Variants in SNRPD1 observed in about 807,000 individuals in gnomAD.
The protein encoded by SNRPD1 is small nuclear ribonucleoprotein Sm D1.
A neutral mutation model predicts 14.4 loss-of-function variants in SNRPD1; 1 was observed. The observed-to-expected ratio is 0.07, with a 90% CI of 0.02 to 0.33. SNRPD1 has a LOEUF of 0.33. SNRPD1 is among the 10% of genes least tolerant of loss of function. SNRPD1 has a pLI of 1.00. For missense variants in SNRPD1, 52 were observed against 146.4 expected, an observed-to-expected ratio of 0.36 and a Z score of 3.33; for synonymous variants, 42 against 50.3, an observed-to-expected ratio of 0.83 and a Z score of 0.70.
intron 1 of SNRPD1, among the ~76,000 whole-genome samples, chr18:21,618,668 C>G (rs950137736): frequency 6.6e-6 from 1 of 151,874 alleles, no homozygotes; most frequent in African/African-American, 2.4e-5. Context: ...AAAGTGTTAC[C>G]AATTCGTTGA....
intron 1 of SNRPD1, among the ~76,000 whole-genome samples, chr18:21,619,766 C>T (rs1468135556): frequency 2.6e-5 from 4 of 151,326 alleles, no homozygotes; most frequent in Admixed American, 6.6e-5. Context: ...GGTGACAGAG[C>T]GAGACTCCGT....
In SNRPD1 at chr18:21,629,087, A is replaced by C. The variant is rs773415895; in HGVS notation, c.309A>C (p.Gly103=). ...EAVAGRGRGR[G]RGRGRGRGRG... is the part of the protein sequence containing the mutation. ...TTGCAGGAAGAGGCAGAGGAAGAGGAAGAGGAAGAGGACGTGGCCGTGGCA... is the reference window on the plus strand; with the variant it reads ...TTGCAGGAAGAGGCAGAGGAAGAGGCAGAGGAAGAGGACGTGGCCGTGGCA... The change falls in exon 4 of 4, where the codon GGA becomes GGC. Residue 103 remains glycine, a synonymous_variant. Coordinates refer to ENST00000300413, the MANE Select transcript of SNRPD1 (RefSeq NM_006938.4). The C allele has an allele frequency of 1.2e-6, 2 of 1,613,916 alleles. No individual in the cohort carries two copies. Among genetic ancestry groups the C allele is most frequent in the South Asian group, 2.2e-5 (2 of 91,070 alleles).
chr18:21,622,805 C>T lies in SNRPD1; in HGVS notation c.91+4C>T, dbSNP rs771766873. On this transcript the variant is annotated splice_donor_region_variant and intron_variant, in intron 2 of 3. Coordinates refer to ENST00000300413, the MANE Select transcript of SNRPD1 (RefSeq NM_006938.4). Reference sequence around the variant, plus strand: ...CAGGTCCATGGAACAATCACAGGTACGGAGGTTGGACTGCTTTTATAACAT... The same window carrying T: ...CAGGTCCATGGAACAATCACAGGTATGGAGGTTGGACTGCTTTTATAACAT... 32 of 1,515,954 alleles carry T rather than the reference C, an allele frequency of 2.1e-5. No homozygotes were observed. The highest frequency in any genetic ancestry group is 4.5e-5 in the East Asian group (2 of 44,366). The allele number at this position is 1,515,954 out of a possible 1,614,324, so 93.9% of individuals were successfully genotyped here.
At chr18:21,612,482 GA>G in intron 1 of SNRPD1, 39 bp downstream of exon 1, 1 of 1,449,942 alleles carries the variant, frequency 6.9e-7, no homozygotes, top group Non-Finnish European at 9.3e-7. Context: ...GCTGTGAAGG[GA>G]GGGCTTGGCC....
chr18:21,612,970 T>G (rs1163782373), intron 1 of SNRPD1, among the ~76,000 whole-genome samples: 3 of 152,198 alleles, frequency 2.0e-5, no homozygotes, highest in Non-Finnish European at 4.4e-5. Context: ...TCCAAAGGGC[T>G]GAGATTACAG....
At position 21,630,862 on chromosome 18, in the gene SNRPD1, T is replaced by G. The variant is rs1482971442; in HGVS notation, c.*1724T>G. The G allele has an allele frequency of 2.0e-5, 3 of 148,732 alleles. No individual in the cohort carries two copies. Among genetic ancestry groups the G allele is most frequent in the East Asian group, 3.9e-4 (2 of 5,144 alleles). 9.2% of individuals were successfully genotyped at this position (148,732 alleles called of 1,614,324 possible). A position where few individuals can be genotyped will look rare whatever the true frequency, so the allele number is the denominator to read the frequency against. On this transcript the variant is annotated 3_prime_UTR_variant, in exon 4 of 4. Coordinates refer to ENST00000300413, the MANE Select transcript of SNRPD1 (RefSeq NM_006938.4). ...TAGATATATTAGTATACATGTAGAA[T>G]GTACCTGTCATATATATTAGATATA...
intron 2 of SNRPD1, among the ~76,000 whole-genome samples, chr18:21,623,193 G>A (rs1351952877): frequency 2.6e-5 from 4 of 152,180 alleles, no homozygotes; most frequent in Admixed American, 1.3e-4. Context: ...CCGGGTTGAA[G>A]CAATTCTCCT....
chr18:21,612,820 C>T (rs977524606), intron 1 of SNRPD1, among the ~76,000 whole-genome samples: 7 of 152,222 alleles, frequency 4.6e-5, no homozygotes, highest in Non-Finnish European at 2.9e-5. Flanking sequence ...TGGAAACAAA[C>T]CTGTTTGCAA....
chr18:21,617,097 C>T (rs1466257565), intron 1 of SNRPD1, among the ~76,000 whole-genome samples: 1 of 152,036 alleles, frequency 6.6e-6, no homozygotes, highest in Non-Finnish European at 1.5e-5. Context: ...CCAGTTATTC[C>T]AGCATCATTT....
rs2039096278 is a variant in SNRPD1 at position 21,632,968 on chromosome 18, A to G, written c.*3830A>G. 6.6e-6 allele frequency: 1 copy of G among 151,214 alleles called. No homozygotes were observed. Among genetic ancestry groups the G allele is most frequent in the African/African-American group, 2.4e-5 (1 of 40,992 alleles). 9.4% of individuals were successfully genotyped at this position (151,214 alleles called of 1,614,324 possible). On this transcript the variant is annotated 3_prime_UTR_variant, in exon 4 of 4. Transcript: ENST00000300413. ...CGGGTTCACGCCATTCTCCTGCCTCAGCCTCCTGAGTAGCTGAGACTACAG... is the reference window on the plus strand; with the variant it reads ...CGGGTTCACGCCATTCTCCTGCCTCGGCCTCCTGAGTAGCTGAGACTACAG...
At chr18:21,628,344 A>G (rs796178989) in intron 3 of SNRPD1, among the ~76,000 whole-genome samples, 14 of 152,314 alleles carry the variant, frequency 9.2e-5, no homozygotes, top group African/African-American at 3.4e-4. Context: ...TACACTCCAG[A>G]TGGGACTACA....
intron 1 of SNRPD1, among the ~76,000 whole-genome samples, chr18:21,619,423 C>G (rs2038981146): frequency 6.7e-6 from 1 of 149,566 alleles, no homozygotes; most frequent in Admixed American, 6.7e-5. Flanking sequence ...CTCAGGTGAT[C>G]CGCCTGCCTC....
At chr18:21,616,907 C>T (rs1263782663) in intron 1 of SNRPD1, among the ~76,000 whole-genome samples, 1 of 151,140 alleles carries the variant, frequency 6.6e-6, no homozygotes, top group Non-Finnish European at 1.5e-5. Context: ...AGGCTGGTCT[C>T]GATCTCCTGA....
rs1246900784 is a variant in SNRPD1, at chr18:21,633,413, TAATA to T, written c.*4278_*4281del. On this transcript the variant is annotated 3_prime_UTR_variant, in exon 4 of 4. Coordinates refer to ENST00000300413, the MANE Select transcript of SNRPD1 (RefSeq NM_006938.4). Reference sequence around the variant, plus strand: ...TCCATAACAAGAAGAATCTCTGTCATAATAAACCAACAGCAGACATTTTCTAAAG... The same window carrying T: ...TCCATAACAAGAAGAATCTCTGTCATAACCAACAGCAGACATTTTCTAAAG... 1 of 152,228 alleles carries T rather than the reference TAATA, an allele frequency of 6.6e-6. No individual in the cohort carries two copies. The highest frequency in any genetic ancestry group is 1.9e-4 in the East Asian group (1 of 5,206). The allele number at this position is 152,228 out of a possible 1,614,324, so 9.4% of individuals were successfully genotyped here.
Position 21,621,960 on chromosome 18 carries a change from C to T in SNRPD1, c.15-765C>T, listed in dbSNP as rs74474195. Among the ~76,000 whole-genome samples the T allele has an allele frequency of 5.4e-3, 819 of 152,202 alleles. 5 individuals are homozygous for T. The highest frequency in any genetic ancestry group is 0.019 in the African/African-American group (774 of 41,526). Reference sequence around the variant, plus strand: ...CTAAACGAGGACTACAAGTTATAGACGTGAATAAAATATGACCCAATTTAT... The same window carrying T: ...CTAAACGAGGACTACAAGTTATAGATGTGAATAAAATATGACCCAATTTAT... On this transcript the variant is annotated intron_variant, in intron 1 of 3. Transcript: ENST00000300413.
chr18:21,622,990 G>A (rs145644893), intron 2 of SNRPD1, among the ~76,000 whole-genome samples, 189 bp downstream of exon 2: 10 of 149,032 alleles, frequency 6.7e-5, no homozygotes, highest in East Asian at 4.0e-4. Flanking sequence ...GCAGTGGCAC[G>A]ATCTCAGCTC....
rs141663553 is a variant in SNRPD1, at chr18:21,623,893, A to G, written c.237A>G (p.Leu79=). The change falls in exon 3 of 4, where the codon CTA becomes CTG. Residue 79 remains leucine (L), a synonymous_variant. Transcript: ENST00000300413. ...ILPDSLPLDT[L]LVDVEPKVKS... ...CAGACAGTTTACCTCTGGATACACT[A>G]CTTGTGGATGTTGAACCTAAGGTGA... is the stretch of plus-strand genomic sequence containing the variant. The G allele has an allele frequency of 5.6e-6, 9 of 1,607,882 alleles. No homozygotes were observed. In the African/African-American group the frequency reaches 1.1e-4, roughly 19 times the overall value.
At chr18:21,625,688 G>A (rs867574302) in intron 3 of SNRPD1, among the ~76,000 whole-genome samples, 4 of 152,034 alleles carry the variant, frequency 2.6e-5, no homozygotes, top group Non-Finnish European at 5.9e-5. Flanking sequence ...TCGGCTCACT[G>A]CAAGCTCCGC....
At chr18:21,619,510 C>T (rs1397457789) in intron 1 of SNRPD1, among the ~76,000 whole-genome samples, 46 of 151,062 alleles carry the variant, frequency 3.0e-4, no homozygotes, top group Admixed American at 3.0e-3. Context: ...AAGGGCCAGG[C>T]CTGGTGGCTT....
Sources: gnomAD v4.1 joint callset for allele counts (sites outside exome capture counted in the v4.1 genomes callset) on GRCh38, gnomAD v4.1.1 for gene constraint, MANE v1.5 for transcripts, NCBI Gene and HGNC (gene_info 2026-07-23, HGNC 2026-07-21) for gene names.